MTF2: variants seen among roughly 807,000 people sequenced by gnomAD.
MTF2 encodes metal response element binding transcription factor 2.
MTF2 carries 11 observed loss-of-function variants against 79.5 expected under a neutral mutation model. That is an observed-to-expected ratio of 0.14 (90% CI 0.09 to 0.23). The LOEUF is 0.23. Ranked by LOEUF, MTF2 falls within the 10% of genes least tolerant of loss-of-function variation. MTF2 has a pLI of 1.00. For synonymous variants in MTF2, 208 were observed against 232.8 expected (o/e 0.89, Z 0.97); for missense variants, 486 against 711.2 (o/e 0.68, Z 3.60).
At chr1:93,104,761 A>G (rs529301859) in intron 1 of MTF2, among the ~76,000 whole-genome samples, 1 of 152,172 alleles carries the variant, frequency 6.6e-6, no homozygotes, top group African/African-American at 2.4e-5. Flanking sequence ...CTCCTTAAAT[A>G]TAGGCGTTTC....
At chr1:93,132,038 C>T (rs1656939063) in intron 11 of MTF2, among the ~76,000 whole-genome samples, 1 of 149,148 alleles carries the variant, frequency 6.7e-6, no homozygotes, top group Admixed American at 6.7e-5. Flanking sequence ...GAATAGTCAT[C>T]TTGGAGATAA....
intron 9 of MTF2, among the ~76,000 whole-genome samples, chr1:93,124,134 G>A (rs1031825031): frequency 2.6e-5 from 4 of 151,956 alleles, no homozygotes; most frequent in African/African-American, 9.7e-5. Flanking sequence ...CATTTTAGAA[G>A]ATAATGGTAG....
chr1:93,101,858 G>A (rs1393696054), intron 1 of MTF2, among the ~76,000 whole-genome samples: 3 of 152,018 alleles, frequency 2.0e-5, no homozygotes, highest in Non-Finnish European at 4.4e-5. Context: ...AGTTACAGGT[G>A]TGAGCCACAA....
intron 3 of MTF2, among the ~76,000 whole-genome samples, chr1:93,113,161 C>G (rs553675411): frequency 1.1e-3 from 162 of 149,880 alleles, no homozygotes; most frequent in Non-Finnish European, 1.5e-3. Context: ...AGGAGGATTG[C>G]TTGAGCCCAG....
chr1:93,096,578 A>T (rs1655296484), intron 1 of MTF2, among the ~76,000 whole-genome samples: 1 of 144,550 alleles, frequency 6.9e-6, no homozygotes, highest in African/African-American at 2.6e-5. Flanking sequence ...TTGGGGGCTT[A>T]TTTTCTTTTT....
At chr1:93,090,517 G>C (rs893484881) in intron 1 of MTF2, among the ~76,000 whole-genome samples, 1 of 152,168 alleles carries the variant, frequency 6.6e-6, no homozygotes, top group Admixed American at 6.5e-5. Context: ...CAAAGTGCTG[G>C]GATTACAGGC....
At chr1:93,110,168 C>T in intron 1 of MTF2, 62 bp from the exon 2 acceptor site, 1 of 1,423,236 alleles carries the variant, frequency 7.0e-7, no homozygotes. Flanking sequence ...ATAAAATATC[C>T]CACTGGTATA....
chr1:93,080,749 C>T (rs1330186742), intron 1 of MTF2, among the ~76,000 whole-genome samples: 1 of 149,290 alleles, frequency 6.7e-6, no homozygotes, highest in Non-Finnish European at 1.5e-5. Context: ...TGGTTTCATT[C>T]TCTCTTGGGA....
chr1:93,096,249 T>C (rs1655282242), intron 1 of MTF2, among the ~76,000 whole-genome samples: 2 of 152,198 alleles, frequency 1.3e-5, no homozygotes, highest in African/African-American at 4.8e-5. Context: ...TGTTTTGTCA[T>C]GAAAAGGAAC....
intron 1 of MTF2, among the ~76,000 whole-genome samples, chr1:93,105,001 G>A (rs142826897): frequency 0.015 from 2,307 of 152,136 alleles, 27 homozygotes; most frequent in Non-Finnish European, 0.023. Flanking sequence ...AAAGTTAGCC[G>A]GGTGTAGTGG....
intron 1 of MTF2, among the ~76,000 whole-genome samples, chr1:93,106,288 A>G (rs1353913238): frequency 6.6e-6 from 1 of 152,196 alleles, no homozygotes; most frequent in African/African-American, 2.4e-5. Context: ...CCATCCTGAA[A>G]GAAGGGGATA....
intron 10 of MTF2, 57 bp downstream of exon 10, chr1:93,127,356 A>C: frequency 9.0e-7 from 1 of 1,112,034 alleles, no homozygotes; most frequent in East Asian, 2.4e-5. Flanking sequence ...AGTATAAGGA[A>C]TAATGGCATT....
intron 14 of MTF2, 119 bp from the exon 15 acceptor site, chr1:93,136,551 A>C: frequency 1.2e-6 from 1 of 860,618 alleles, no homozygotes; most frequent in Non-Finnish European, 1.8e-6. Flanking sequence ...GGTTTGGCTC[A>C]TTTTTATATC....
intron 9 of MTF2, among the ~76,000 whole-genome samples, chr1:93,124,335 C>T (rs72955374): frequency 0.082 from 12,465 of 152,020 alleles, 1,664 homozygotes; most frequent in African/African-American, 0.28. Context: ...GAAGTCTCAT[C>T]TGTTGTATCA....
At chr1:93,116,003 A>G (rs918165853) in intron 6 of MTF2, among the ~76,000 whole-genome samples, 4 of 152,192 alleles carry the variant, frequency 2.6e-5, no homozygotes, top group Non-Finnish European at 4.4e-5. Flanking sequence ...AGTAAAAGAC[A>G]AGTTTTTTAA....
chr1:93,090,039 C>T (rs1221730599), intron 1 of MTF2, among the ~76,000 whole-genome samples: 7 of 152,044 alleles, frequency 4.6e-5, no homozygotes, highest in Non-Finnish European at 8.8e-5. Context: ...CGCGGTAGCA[C>T]GATCTCGGCT....
intron 1 of MTF2, among the ~76,000 whole-genome samples, chr1:93,107,280 A>C (rs768426610): frequency 2.6e-5 from 4 of 152,198 alleles, no homozygotes; most frequent in Non-Finnish European, 5.9e-5. Flanking sequence ...GCTGGAGTGC[A>C]GTGGTGTAAT....
Position 93,134,079 on chromosome 1 carries a change from C to A in MTF2, c.1320-12C>A, listed in dbSNP as rs767678693. The A allele has an allele frequency of 5.0e-6, 8 of 1,592,226 alleles. No individual in the cohort carries two copies. The East Asian group carries it at 1.3e-4, about 27-fold the overall frequency. The stretch of plus-strand genomic sequence containing the variant: ...ATATAGTCGTTACACAATTTAAATT[C>A]TTTTGTCTCAGGAGAACTGAGGGAA... On this transcript the variant is annotated splice_polypyrimidine_tract_variant and intron_variant, in intron 13 of 14. Transcript: ENST00000370298.
rs1655983845 is a variant in MTF2 at position 93,110,481 on chromosome 1, CTTAAA to C, written c.204+56_205-57del. On this transcript the variant is annotated intron_variant, in intron 2 of 14. Transcript: ENST00000370298. The stretch of plus-strand genomic sequence containing the variant: ...GTTTTTGCAGTAAGCATTTAATAAT[CTTAAA>C]TTTAACTTCATGTTTTTAATTTTAA... 5 of 1,602,798 alleles carry C rather than the reference CTTAAA, an allele frequency of 3.1e-6. No individual in the cohort carries two copies. In the Admixed American group the frequency reaches 6.7e-5, roughly 22 times the overall value.
Sources: gnomAD v4.1 joint callset for allele counts (sites outside exome capture counted in the v4.1 genomes callset) on GRCh38, gnomAD v4.1.1 for gene constraint, MANE v1.5 for transcripts, NCBI Gene and HGNC (gene_info 2026-07-23, HGNC 2026-07-21) for gene names.